Variants in PRKX observed in about 807,000 individuals in gnomAD.
PRKX encodes cAMP-dependent protein kinase catalytic subunit PRKX.
In PRKX, 12 loss-of-function variants were observed where a neutral mutation model predicts 22.0. The ratio of observed to expected loss-of-function variants is 0.54; its 90% CI spans 0.35 to 0.88. PRKX has a LOEUF of 0.88. PRKX is among the 40% of genes least tolerant of loss of function. The probability of loss-of-function intolerance (pLI) is 0.01; values close to 1 mark genes in which losing one functional copy is unlikely to be tolerated. For missense variants in PRKX, 217 were observed against 308.0 expected, an observed-to-expected ratio of 0.70 and a Z score of 2.21; for synonymous variants, 134 against 137.7, an observed-to-expected ratio of 0.97 and a Z score of 0.19.
At chrX:3,663,946 G>A (rs369067064) in intron 2 of PRKX, among the ~76,000 whole-genome samples, 6 of 111,917 alleles carry the variant, frequency 5.4e-5, no homozygotes, top group Admixed American at 1.9e-4. Context: ...GCAAGACAGC[G>A]AATGCAAATA....
intron 1 of PRKX, among the ~76,000 whole-genome samples, chrX:3,693,570 G>C (rs940156260): frequency 9.0e-6 from 1 of 110,971 alleles, no homozygotes; most frequent in Admixed American, 9.7e-5. Context: ...GGATAGACTA[G>C]GTTGAATGGT....
intron 1 of PRKX, among the ~76,000 whole-genome samples, chrX:3,681,306 C>T (rs1248369632): frequency 1.8e-5 from 2 of 110,098 alleles, no homozygotes; most frequent in African/African-American, 6.6e-5. Context: ...ATTGCTTGAG[C>T]CCAGGAGGTT....
chrX:3,662,536 A>C (rs1927618089), intron 2 of PRKX, among the ~76,000 whole-genome samples: 1 of 108,697 alleles, frequency 9.2e-6, no homozygotes, highest in Non-Finnish European at 1.9e-5. Flanking sequence ...TCTACTAAAA[A>C]TACAAAGTAT....
intron 2 of PRKX, among the ~76,000 whole-genome samples, chrX:3,666,185 C>T (rs1428205408): frequency 6.2e-5 from 6 of 96,370 alleles, no homozygotes; most frequent in Non-Finnish European, 1.2e-4. Flanking sequence ...GACAGAGTCT[C>T]GCTCTGTTAC....
At position 3,642,463 on chromosome X, in the gene PRKX, T is replaced by A. The variant is rs1203555127; in HGVS notation, c.600-492A>T. On this transcript the variant is annotated intron_variant, in intron 3 of 8. Transcript: ENST00000262848. ...ACAGAGAGGGGGAAAAGCAGACACC[T>A]GGCCGCTGGAAGGAGAAGCACAGGA... 3.7e-5 allele frequency among the ~76,000 whole-genome samples: 4 copies of A among 109,390 alleles called. No homozygotes were observed. The East Asian group carries it at 1.2e-3, about 31-fold the overall frequency. 95.0% of individuals were successfully genotyped at this position (109,390 alleles called of 115,157 possible). A position where few individuals can be genotyped will look rare whatever the true frequency, so the allele number is the denominator to read the frequency against.
intron 4 of PRKX, among the ~76,000 whole-genome samples, chrX:3,626,879 G>T (rs1397367972): frequency 9.0e-6 from 1 of 111,679 alleles, no homozygotes; most frequent in Non-Finnish European, 1.9e-5. Context: ...GTTTACCGGG[G>T]TGAATCCACC....
intron 2 of PRKX, among the ~76,000 whole-genome samples, chrX:3,656,069 G>A (rs955492326): frequency 5.4e-5 from 6 of 112,029 alleles, no homozygotes; most frequent in African/African-American, 1.6e-4. Context: ...GAATATAGGT[G>A]TAGACAGATG....
intron 1 of PRKX, among the ~76,000 whole-genome samples, chrX:3,693,024 C>G (rs1416800077): frequency 9.0e-6 from 1 of 111,082 alleles, no homozygotes; most frequent in East Asian, 2.8e-4. Flanking sequence ...GAATGCATCA[C>G]TTCCATCATG....
chrX:3,678,570 T>G (rs1186660449), intron 1 of PRKX, among the ~76,000 whole-genome samples: 1 of 112,478 alleles, frequency 8.9e-6, no homozygotes, highest in Middle Eastern at 4.7e-3. Flanking sequence ...ACGTTACTTA[T>G]GCACTGCAGC....
intron 3 of PRKX, among the ~76,000 whole-genome samples, chrX:3,650,434 T>C (rs1256376017): frequency 3.2e-5 from 3 of 92,442 alleles, no homozygotes; most frequent in East Asian, 6.8e-4. Flanking sequence ...GGCAGGAGAA[T>C]GGCGTGAACC....
chrX:3,646,802 C>A (rs1196449649), intron 3 of PRKX, among the ~76,000 whole-genome samples: 1 of 110,635 alleles, frequency 9.0e-6, no homozygotes, highest in Non-Finnish European at 1.9e-5. Flanking sequence ...TGTTTGCGAG[C>A]ATGGGACAGC....
At chrX:3,631,821 TC>T (rs1486773813) in intron 4 of PRKX, among the ~76,000 whole-genome samples, 2 of 112,585 alleles carry the variant, frequency 1.8e-5, no homozygotes, top group Non-Finnish European at 3.7e-5. Context: ...GCAGAAAGGA[TC>T]CTTCCCTGGA....
chrX:3,692,203 C>T (rs189135712), intron 1 of PRKX, among the ~76,000 whole-genome samples: 17 of 109,345 alleles, frequency 1.6e-4, no homozygotes, highest in African/African-American at 4.7e-4. Context: ...CTAGCACTGC[C>T]GACATTTGAG....
At chrX:3,618,800 T>C (rs1370281578) in intron 6 of PRKX, among the ~76,000 whole-genome samples, 10 of 111,190 alleles carry the variant, frequency 9.0e-5, no homozygotes, top group Admixed American at 2.9e-4. Flanking sequence ...CACTACGCCA[T>C]TCCCAGCAGA....
At chrX:3,681,476 A>T (rs1346077280) in intron 1 of PRKX, among the ~76,000 whole-genome samples, 1 of 108,207 alleles carries the variant, frequency 9.2e-6, no homozygotes, top group Non-Finnish European at 1.9e-5. Flanking sequence ...ACACAGTGAG[A>T]CCCCAGCCTC....
At chrX:3,688,225 G>C (rs769239865) in intron 1 of PRKX, among the ~76,000 whole-genome samples, 8,247 of 100,273 alleles carry the variant, frequency 0.082, 616 homozygotes, top group East Asian at 0.26. Context: ...GCAGGTGGAT[G>C]ATCTGAGGCC....
intron 2 of PRKX, among the ~76,000 whole-genome samples, chrX:3,663,435 C>G (rs1353686548): frequency 1.3e-5 from 1 of 75,782 alleles, no homozygotes; most frequent in African/African-American, 4.9e-5. Context: ...TACACACACA[C>G]ACACACACAC....
intron 1 of PRKX, among the ~76,000 whole-genome samples, chrX:3,678,303 G>C (rs1218962096): frequency 8.9e-6 from 1 of 111,962 alleles, no homozygotes; most frequent in African/African-American, 3.2e-5. Context: ...TATGGTCCTT[G>C]ACTTTTCTTC....
chrX:3,701,697 G>A (rs1037081136), intron 1 of PRKX, among the ~76,000 whole-genome samples: 3 of 111,545 alleles, frequency 2.7e-5, no homozygotes, highest in Non-Finnish European at 5.6e-5. Context: ...GGATGAGATA[G>A]GAGGTCAGCA....
Sources: gnomAD v4.1 joint callset for allele counts (sites outside exome capture counted in the v4.1 genomes callset) on GRCh38, gnomAD v4.1.1 for gene constraint, MANE v1.5 for transcripts, NCBI Gene and HGNC (gene_info 2026-07-23, HGNC 2026-07-21) for gene names.